The following RGMB variants were observed in gnomAD, a reference collection of about 807,000 sequenced individuals.
RGMB encodes repulsive guidance molecule B.
Under a neutral mutation model 26.9 loss-of-function variants are expected in RGMB, and 16 were observed. The observed-to-expected ratio is 0.60, with a 90% confidence interval of 0.40 to 0.90. RGMB has a LOEUF of 0.90. Among genes scored for constraint, RGMB ranks in the 40% least tolerant of loss-of-function variants. The probability of loss-of-function intolerance (pLI) is 0.00; values close to 1 mark genes in which losing one functional copy is unlikely to be tolerated. For missense variants in RGMB, 512 were observed against 573.3 expected, an observed-to-expected ratio of 0.89 and a Z score of 1.09; for synonymous variants, 225 against 229.3, an observed-to-expected ratio of 0.98 and a Z score of 0.17.
Position 98,789,311 on chromosome 5 carries a change from C to T in RGMB, c.646-3774C>T, listed in dbSNP as rs575563089. Among the ~76,000 whole-genome samples the T allele has an allele frequency of 1.9e-3, 283 of 152,254 alleles. 1 individual carries two copies. Among genetic ancestry groups the T allele is most frequent in the Non-Finnish European group, 2.6e-3 (177 of 68,020 alleles). On this transcript the variant is annotated intron_variant, in intron 2 of 2. Coordinates refer to ENST00000513185, the MANE Select transcript of RGMB (RefSeq NM_001366508.1). ...TAAATGTTTCTTCCAAAATATATTA[C>T]GCACAAGTAGTCAAGGTGCACAGCC... is the stretch of plus-strand genomic sequence containing the variant.
At chr5:98,774,298 A>C in intron 1 of RGMB, 92 bp downstream of exon 1, 1 of 1,262,510 alleles carries the variant, frequency 7.9e-7, no homozygotes, top group Non-Finnish European at 1.0e-6. Context: ...GCCGGGGCGG[A>C]AGGGCGGCGT....
At chr5:98,783,467 C>G (rs1220042515) in intron 2 of RGMB, among the ~76,000 whole-genome samples, 1 of 152,170 alleles carries the variant, frequency 6.6e-6, no homozygotes, top group African/African-American at 2.4e-5. Context: ...AGTAGCCCAC[C>G]CTTCACAGGC....
chr5:98,779,812 G>C lies in RGMB; in HGVS notation c.369G>C (p.Lys123Asn). ...TCATGAGCCAGAGGAATTGTTCCAAGGATGGACCCACATCCTCTACCAACC... is the reference window on the plus strand; with the variant it reads ...TCATGAGCCAGAGGAATTGTTCCAACGATGGACCCACATCCTCTACCAACC... ...SDLMSQRNCS[K>N]DGPTSSTNPE... Residue 123 changes from lysine (K) to asparagine (N), a missense_variant, in exon 2 of 3, where the codon AAG becomes AAC. Physicochemically the swap from Lys to Asn is moderately conservative, Grantham distance 94. Coordinates refer to ENST00000513185, the MANE Select transcript of RGMB (RefSeq NM_001366508.1). 6.2e-7 allele frequency: 1 copy of C among 1,614,046 alleles called. No individual in the cohort carries two copies. The highest frequency in any genetic ancestry group is 8.5e-7 in the Non-Finnish European group (1 of 1,179,908).
chr5:98,784,901 AAAT>A (rs1746725340), intron 2 of RGMB, among the ~76,000 whole-genome samples: 1 of 152,144 alleles, frequency 6.6e-6, no homozygotes, highest in Non-Finnish European at 1.5e-5. Context: ...TGTGGGGGAA[AAAT>A]AGACCATTTT....
intron 2 of RGMB, among the ~76,000 whole-genome samples, chr5:98,783,843 A>G (rs1454211427): frequency 6.6e-6 from 1 of 152,260 alleles, no homozygotes; most frequent in South Asian, 2.1e-4. Flanking sequence ...TAAACAAACA[A>G]TGGAAATGTT....
Position 98,793,503 on chromosome 5 carries a change from A to G in RGMB, c.1064A>G (p.Asn355Ser). 6.2e-7 allele frequency: 1 copy of G among 1,613,828 alleles called. No homozygotes were observed. The highest frequency in any genetic ancestry group is 8.5e-7 in the Non-Finnish European group (1 of 1,179,826). The change falls in exon 3 of 3, where the codon AAC (asparagine) becomes AGC (serine). Residue 355 changes from asparagine (N) to serine (S), a missense_variant. Coordinates refer to ENST00000513185, the MANE Select transcript of RGMB (RefSeq NM_001366508.1). Reference sequence around the variant, plus strand: ...CCTGGCTACACACTGGAGACTGCCAACACTCAATGCCATGAGAAGATGCCA... The same window carrying G: ...CCTGGCTACACACTGGAGACTGCCAGCACTCAATGCCATGAGAAGATGCCA... ...AWPGYTLETA[N>S]TQCHEKMPVK...
chr5:98,791,449 CAT>C (rs986759367), intron 2 of RGMB, among the ~76,000 whole-genome samples: 4 of 151,756 alleles, frequency 2.6e-5, no homozygotes, highest in Non-Finnish European at 2.9e-5. Context: ...AAACTTAAGA[CAT>C]AAACTTGAGG....
rs1463686080 is a variant in RGMB, at chr5:98,796,346, C to CG, written c.*2593_*2594insG. On this transcript the variant is annotated 3_prime_UTR_variant, in exon 3 of 3. Transcript: ENST00000513185. ...GTTATGCTTGGAAGCTCCCCCCCCC[C>CG]CAACAGTGTGTCGAGTCTTTGCAAA... The CG allele has an allele frequency of 4.8e-5, 7 of 145,318 alleles. No homozygotes were observed. Among genetic ancestry groups the CG allele is most frequent in the African/African-American group, 1.8e-4 (7 of 38,016 alleles). 9.0% of individuals were successfully genotyped at this position (145,318 alleles called of 1,614,324 possible). A position where few individuals can be genotyped will look rare whatever the true frequency, so the allele number is the denominator to read the frequency against.
At position 98,791,915 on chromosome 5, in the gene RGMB, T is replaced by C. The variant is rs555109806; in HGVS notation, c.646-1170T>C. ...CATGGGTTTACAAAAGAGAAGCTTTTGTATTATTAGTAATTTTTTTTCTTT... is the reference window on the plus strand; with the variant it reads ...CATGGGTTTACAAAAGAGAAGCTTTCGTATTATTAGTAATTTTTTTTCTTT... On this transcript the variant is annotated intron_variant, in intron 2 of 2. Coordinates refer to ENST00000513185, the MANE Select transcript of RGMB (RefSeq NM_001366508.1). 1.8e-4 allele frequency among the ~76,000 whole-genome samples: 28 copies of C among 152,292 alleles called. No individual in the cohort carries two copies. In the South Asian group the frequency reaches 4.4e-3, roughly 24 times the overall value.
rs1747102582 is a variant in RGMB at position 98,795,810 on chromosome 5, T to C, written c.*2057T>C. 1 of 152,122 alleles carries C rather than the reference T, an allele frequency of 6.6e-6. No individual in the cohort carries two copies. The highest frequency in any genetic ancestry group is 1.5e-5 in the Non-Finnish European group (1 of 68,028). 9.4% of individuals were successfully genotyped at this position (152,122 alleles called of 1,614,324 possible). On this transcript the variant is annotated 3_prime_UTR_variant, in exon 3 of 3. Transcript: ENST00000513185. ...TATTTTTGTGCAAATAATATGAAAG[T>C]GAAGTAAAAGCAATAGAAGAAATTT... is the stretch of plus-strand genomic sequence containing the variant.
At chr5:98,789,406 T>C (rs543788047) in intron 2 of RGMB, among the ~76,000 whole-genome samples, 5 of 152,336 alleles carry the variant, frequency 3.3e-5, no homozygotes, top group Non-Finnish European at 4.4e-5. Flanking sequence ...TGGATAGATA[T>C]CTCTGTACCT....
At chr5:98,770,782 A>G (rs1746136089), upstream of RGMB, 2 of 636,398 alleles carry the variant, frequency 3.1e-6, no homozygotes, top group African/African-American at 1.9e-5. Context: ...GCTTTTTAAT[A>G]AACTTTCACT....
At chr5:98,789,564 A>G (rs964902580) in intron 2 of RGMB, among the ~76,000 whole-genome samples, 8 of 151,628 alleles carry the variant, frequency 5.3e-5, no homozygotes, top group Non-Finnish European at 1.0e-4. Context: ...CTTATTGCCT[A>G]TTTCATGTAG....
intron 2 of RGMB, among the ~76,000 whole-genome samples, chr5:98,784,090 A>G (rs1406334887): frequency 6.6e-6 from 1 of 152,190 alleles, no homozygotes; most frequent in African/African-American, 2.4e-5. Context: ...GTTTACCTTA[A>G]GGCGTTTGAA....
At chr5:98,774,957 AT>A in intron 1 of RGMB, among the ~76,000 whole-genome samples, 1 of 150,672 alleles carries the variant, frequency 6.6e-6, no homozygotes, top group African/African-American at 2.4e-5. Flanking sequence ...TGTGATACCT[AT>A]TTTTCTTTTT....
rs776944767 is a variant in RGMB, at chr5:98,780,102, C to T, written c.645+14C>T. ...GCTACAAATAAGGCAAGTATACCTTCTTTTTTCCCTCTCCCTACTCAACTT... is the reference window on the plus strand; with the variant it reads ...GCTACAAATAAGGCAAGTATACCTTTTTTTTTCCCTCTCCCTACTCAACTT... On this transcript the variant is annotated intron_variant, in intron 2 of 2. Transcript: ENST00000513185. 3 of 1,593,982 alleles carry T rather than the reference C, an allele frequency of 1.9e-6. No homozygotes were observed. The highest frequency in any genetic ancestry group is 1.1e-5 in the South Asian group (1 of 89,388).
upstream of RGMB, chr5:98,771,890 A>G (rs939408241): frequency 1.3e-5 from 2 of 152,214 alleles, no homozygotes; most frequent in African/African-American, 2.4e-5. Context: ...AGTATGATCA[A>G]TAAAGTGAGA....
upstream of RGMB, chr5:98,770,933 T>C: frequency 2.6e-6 from 1 of 380,554 alleles, no homozygotes. Flanking sequence ...CTAGAAAGGA[T>C]TGCACAAATC....
chr5:98,773,156 C>T (rs1487030231), upstream of RGMB: 1 of 152,050 alleles, frequency 6.6e-6, no homozygotes, highest in African/African-American at 2.4e-5. Context: ...GGACCTGCCG[C>T]GCGGCGCTCT....
Sources: allele counts gnomAD v4.1 joint callset (sites outside exome capture counted in the v4.1 genomes callset), GRCh38; gene constraint gnomAD v4.1.1; transcripts MANE v1.5; gene names NCBI Gene and HGNC (gene_info 2026-07-23, HGNC 2026-07-21).